Variants in USP24 observed in about 807,000 individuals in gnomAD.
USP24 encodes ubiquitin specific peptidase 24.
USP24 carries 97 observed loss-of-function variants against 361.6 expected under a neutral mutation model. The observed-to-expected ratio is 0.27, with a 90% CI of 0.23 to 0.32. USP24 has a LOEUF of 0.32. USP24 is among the 10% of genes least tolerant of loss of function. The pLI is 1.00. For missense variants in USP24, 2,353 were observed against 3,165.6 expected (o/e 0.74, Z 6.16); for synonymous variants, 1,098 against 1,124.6 (o/e 0.98, Z 0.47).
At chr1:55,129,854 A>G (rs971404344) in intron 31 of USP24, among the ~76,000 whole-genome samples, 2 of 152,224 alleles carry the variant, frequency 1.3e-5, no homozygotes, top group Admixed American at 6.5e-5. Flanking sequence ...AGGCTTAGAT[A>G]AGAACAGATA....
In USP24 at chr1:55,073,019, C is replaced by G. The variant is rs139781355; in HGVS notation, c.7527-158G>C. 412 of 666,562 alleles carry G rather than the reference C, an allele frequency of 6.2e-4. No homozygotes were observed. In the African/African-American group the frequency reaches 6.6e-3, roughly 11 times the overall value. 41.3% of individuals were successfully genotyped at this position (666,562 alleles called of 1,614,324 possible). A position where few individuals can be genotyped will look rare whatever the true frequency, so the allele number is the denominator to read the frequency against. On this transcript the variant is annotated intron_variant, in intron 64 of 67. Coordinates refer to ENST00000294383, the MANE Select transcript of USP24 (RefSeq NM_015306.3). Reference sequence around the variant, plus strand: ...CCTAGAGTAGTCAAATTCATGGAGACAGAAATTACAATTGCTTCCCCCAGG... The same window carrying G: ...CCTAGAGTAGTCAAATTCATGGAGAGAGAAATTACAATTGCTTCCCCCAGG...
intron 8 of USP24, 70 bp downstream of exon 8, chr1:55,162,129 G>T: frequency 7.1e-7 from 1 of 1,411,810 alleles, no homozygotes; most frequent in African/African-American, 1.5e-5. Context: ...TGAATAACCT[G>T]ATAAAAAGAA....
chr1:55,199,391 G>A (rs1462061668), intron 1 of USP24, among the ~76,000 whole-genome samples: 1 of 152,038 alleles, frequency 6.6e-6, no homozygotes, highest in Non-Finnish European at 1.5e-5. Context: ...GTCTATAGAG[G>A]ATATTGCAGT....
At chr1:55,179,777 C>A (rs1643908629) in intron 1 of USP24, among the ~76,000 whole-genome samples, 1 of 152,098 alleles carries the variant, frequency 6.6e-6, no homozygotes, top group Non-Finnish European at 1.5e-5. Flanking sequence ...GGACCTCATA[C>A]ATTTCTCTCC....
chr1:55,211,301 A>G (rs959304067), intron 1 of USP24, among the ~76,000 whole-genome samples: 34 of 152,210 alleles, frequency 2.2e-4, no homozygotes, highest in Admixed American at 1.3e-4. Flanking sequence ...AATGATTTTG[A>G]AGTAATGCTA....
At chr1:55,098,444 A>G (rs1645546627) in intron 46 of USP24, 32 bp downstream of exon 46, 1 of 1,572,894 alleles carries the variant, frequency 6.4e-7, no homozygotes, top group Non-Finnish European at 8.7e-7. Flanking sequence ...AAGGATGATC[A>G]TTTTTCCTGT....
In USP24 at chr1:55,158,925, T is replaced by C. The variant is rs768711184; in HGVS notation, c.1180A>G (p.Met394Val). Residue 394 changes from methionine to valine, a missense_variant, in exon 10 of 68, where the codon ATG (methionine) becomes GTG (valine). Physicochemically the swap from Met to Val is conservative, Grantham distance 21 (BLOSUM62 1). Around this residue, in one of 8 missense-constraint regions of USP24, gnomAD observed 386 missense variants for 560.5 expected, o/e 0.69. Coordinates refer to ENST00000294383, the MANE Select transcript of USP24 (RefSeq NM_015306.3). ...GCACTGAAATGTGGTGATTTCAGCA[T>C]GCGCAATAGAATATCTAGTCGAAGG... is the stretch of plus-strand genomic sequence containing the variant. The part of the protein sequence containing the change: ...DDLRLDILLR[M>V]LKSPHFSAKM... 6.3e-7 allele frequency: 1 copy of C among 1,582,218 alleles called. No homozygotes were observed. The highest frequency in any genetic ancestry group is 8.6e-7 in the Non-Finnish European group (1 of 1,162,216).
chr1:55,071,281 C>T (rs938455873), intron 67 of USP24: 9 of 989,766 alleles, frequency 9.1e-6, no homozygotes, highest in Non-Finnish European at 9.6e-6. Flanking sequence ...AGTGTTTGCA[C>T]ACAGTGGGTG....
chr1:55,083,272 C>T lies in USP24; in HGVS notation c.6975G>A (p.Gln2325=), dbSNP rs367791360. ...FLLGASRQNN[Q]IRRWSSAQAR... ...CTAGGGATATAAAAGTAGTCCTTAC[C>T]TGATTGTTTTGCCGACTGGCCCCTA... The change falls in exon 58 of 68, where the codon CAG becomes CAA. Residue 2325 remains glutamine, a splice_region_variant and synonymous_variant. Coordinates refer to ENST00000294383, the MANE Select transcript of USP24 (RefSeq NM_015306.3). 1 of 1,613,562 alleles carries T rather than the reference C, an allele frequency of 6.2e-7. No homozygotes were observed. Among genetic ancestry groups the T allele is most frequent in the African/African-American group, 1.3e-5 (1 of 75,006 alleles).
chr1:55,159,762 A>G (rs780798626), intron 8 of USP24, 77 bp from the exon 9 acceptor site: 114 of 1,316,920 alleles, frequency 8.7e-5, no homozygotes, highest in Middle Eastern at 1.9e-4. Flanking sequence ...CTTCATCTAC[A>G]ATTCACAAAG....
chr1:55,146,847 G>T, intron 19 of USP24, 82 bp downstream of exon 19: 2 of 1,545,088 alleles, frequency 1.3e-6, no homozygotes, highest in Non-Finnish European at 1.8e-6. Context: ...ACTGAAAAGT[G>T]TTTAGAAGAT....
chr1:55,156,861 C>T (rs898533392), intron 12 of USP24, 87 bp downstream of exon 12: 2 of 901,282 alleles, frequency 2.2e-6, no homozygotes, highest in Non-Finnish European at 3.6e-6. Flanking sequence ...GATAAAGTTT[C>T]CGTTTTCCTG....
At chr1:55,071,038 T>C in intron 67 of USP24, 2 of 695,752 alleles carry the variant, frequency 2.9e-6, no homozygotes, top group Non-Finnish European at 3.5e-6. Context: ...GTCACATCAC[T>C]GTGCTGGGCT....
At chr1:55,165,259 C>T (rs906612848) in intron 7 of USP24, among the ~76,000 whole-genome samples, 21 of 152,010 alleles carry the variant, frequency 1.4e-4, no homozygotes, top group Admixed American at 1.3e-4. Flanking sequence ...ATGCCAAGTA[C>T]GTAATAGTTT....
chr1:55,168,568 A>G (rs1649131359), intron 5 of USP24, among the ~76,000 whole-genome samples: 1 of 152,164 alleles, frequency 6.6e-6, no homozygotes, highest in Admixed American at 6.6e-5. Flanking sequence ...AGAAAAGGAC[A>G]TCAACCCCAG....
At chr1:55,139,181 C>A (rs1038253244) in intron 24 of USP24, among the ~76,000 whole-genome samples, 171 bp from the exon 25 acceptor site, 4 of 152,186 alleles carry the variant, frequency 2.6e-5, no homozygotes, top group Non-Finnish European at 4.4e-5. Flanking sequence ...GTTCTACAAG[C>A]TCACAGCTGT....
intron 24 of USP24, among the ~76,000 whole-genome samples, chr1:55,139,456 T>C (rs974009528): frequency 2.6e-5 from 4 of 152,322 alleles, no homozygotes; most frequent in Non-Finnish European, 5.9e-5. Flanking sequence ...AATCAGTAAG[T>C]ACGACACAAA....
At chr1:55,079,488 T>C (rs1645098156) in intron 60 of USP24, 50 bp downstream of exon 60, 1 of 1,551,748 alleles carries the variant, frequency 6.4e-7, no homozygotes, top group Admixed American at 2.3e-5. Context: ...AAAAAGCAAT[T>C]TTCCTCAAAC....
At chr1:55,135,834 T>C (rs1646719015) in intron 28 of USP24, among the ~76,000 whole-genome samples, 1 of 152,168 alleles carries the variant, frequency 6.6e-6, no homozygotes, top group African/African-American at 2.4e-5. Flanking sequence ...CTTTCTAGAC[T>C]ATAAAAGCCT....
Sources: gnomAD v4.1 joint callset for allele counts (sites outside exome capture counted in the v4.1 genomes callset) on GRCh38, gnomAD v4.1.1 for gene constraint, gnomAD v4.1.1 regional missense constraint, MANE v1.5 for transcripts, NCBI Gene and HGNC (gene_info 2026-07-23, HGNC 2026-07-21) for gene names.